NUDC: variants seen among roughly 807,000 people sequenced by gnomAD.
The protein encoded by NUDC is nuclear distribution C, dynein complex regulator.
In NUDC, 14 loss-of-function variants were observed where a neutral mutation model predicts 45.0. That is an observed-to-expected ratio of 0.31 (90% confidence interval 0.21 to 0.49). The LOEUF is 0.49. Among genes scored for constraint, NUDC ranks in the 20% least tolerant of loss-of-function variants. The pLI, the probability that NUDC is intolerant of heterozygous loss-of-function variation, is 0.99. For missense variants in NUDC, 323 were observed against 426.2 expected, an observed-to-expected ratio of 0.76 and a Z score of 2.13; for synonymous variants, 153 against 156.7, an observed-to-expected ratio of 0.98 and a Z score of 0.17.
At position 26,905,159 on chromosome 1, in the gene NUDC, T is replaced by A. The variant is rs1225057457; in HGVS notation, c.-16+2793T>A. On this transcript the variant is annotated intron_variant, in intron 2 of 6. Coordinates refer to the NUDC transcript ENST00000435827. ...GGCCTATTATTATTATTATTATTATTTTTTTTTTTTTTTTTTTTTGAGACA... is the reference window on the plus strand; with the variant it reads ...GGCCTATTATTATTATTATTATTATATTTTTTTTTTTTTTTTTTTGAGACA... Among the ~76,000 whole-genome samples the A allele has an allele frequency of 1.2e-3, 147 of 121,564 alleles. 2 individuals are homozygous for A. The highest frequency in any genetic ancestry group is 3.8e-3 in the African/African-American group (125 of 33,242). The allele number at this position is 121,564 out of a possible 152,430, so 79.8% of individuals were successfully genotyped here.
intron 2 of NUDC, among the ~76,000 whole-genome samples, chr1:26,928,104 TAGA>T (rs1458397565): frequency 2.6e-5 from 4 of 152,200 alleles, no homozygotes; most frequent in African/African-American, 7.2e-5. Context: ...ATGGTATTGA[TAGA>T]AGAAGAGAAA....
At chr1:26,939,804 C>T (rs766189341) in intron 2 of NUDC, among the ~76,000 whole-genome samples, 1 of 152,168 alleles carries the variant, frequency 6.6e-6, no homozygotes, top group Non-Finnish European at 1.5e-5. Context: ...TAAGATTTAG[C>T]GTTTCTAACA....
intron 2 of NUDC, among the ~76,000 whole-genome samples, chr1:26,930,648 T>C (rs1035541851): frequency 1.3e-5 from 2 of 149,276 alleles, no homozygotes; most frequent in African/African-American, 5.0e-5. Flanking sequence ...AGTTTGAGGC[T>C]GCAGTGACCC....
chr1:26,921,694 G>A, upstream of NUDC: 1 of 743,938 alleles, frequency 1.3e-6, no homozygotes, highest in Non-Finnish European at 2.3e-6. Context: ...AAGAGAGGAG[G>A]TGGAGGCGGG....
chr1:26,933,564 C>T (rs2124117647), intron 2 of NUDC, among the ~76,000 whole-genome samples: 1 of 152,154 alleles, frequency 6.6e-6, no homozygotes, highest in East Asian at 1.9e-4. Flanking sequence ...CAGGCACCTG[C>T]CACCACACCT....
Position 26,942,783 on chromosome 1 carries a change from G to A in NUDC, c.546+7G>A. The A allele has an allele frequency of 6.2e-7, 1 of 1,614,224 alleles. No homozygotes were observed. Among genetic ancestry groups the A allele is most frequent in the African/African-American group, 1.3e-5 (1 of 75,066 alleles). ...GACCCTGTCGGAGCTGGACGTGAGTGTCAGGGACCAGAGGTAAAGCTTAGG... is the reference window on the plus strand; with the variant it reads ...GACCCTGTCGGAGCTGGACGTGAGTATCAGGGACCAGAGGTAAAGCTTAGG... On this transcript the variant is annotated splice_region_variant and intron_variant, in intron 5 of 8. Coordinates refer to ENST00000321265, the MANE Select transcript of NUDC (RefSeq NM_006600.4).
chr1:26,926,996 G>A (rs750242777), intron 2 of NUDC, among the ~76,000 whole-genome samples: 1 of 152,110 alleles, frequency 6.6e-6, no homozygotes, highest in Admixed American at 6.6e-5. Context: ...ATACAGATTT[G>A]TTCTTTGTTT....
intron 2 of NUDC, among the ~76,000 whole-genome samples, chr1:26,939,893 A>G (rs565954957): frequency 6.6e-6 from 1 of 152,348 alleles, no homozygotes; most frequent in East Asian, 1.9e-4. Context: ...TTGTGCTGTC[A>G]TACTCAATCC....
intron 2 of NUDC, among the ~76,000 whole-genome samples, chr1:26,930,193 G>T (rs948640201): frequency 3.9e-5 from 6 of 152,140 alleles, no homozygotes; most frequent in African/African-American, 1.4e-4. Flanking sequence ...TTGAGACAGG[G>T]TCTCGCTCTG....
intron 2 of NUDC, among the ~76,000 whole-genome samples, chr1:26,936,723 G>A (rs1363460069): frequency 2.0e-5 from 3 of 152,104 alleles, no homozygotes; most frequent in East Asian, 1.9e-4. Flanking sequence ...ATAAAGGGTC[G>A]TTTGTCCTGG....
upstream of NUDC, among the ~76,000 whole-genome samples, chr1:26,918,172 CTT>C (rs770055094): frequency 4.1e-4 from 53 of 130,322 alleles, no homozygotes; most frequent in Admixed American, 6.2e-4. Flanking sequence ...CTTGATTTAT[CTT>C]TTTTTTTTTT....
chr1:26,922,166 A>T, intron 1 of NUDC: 2 of 584,012 alleles, frequency 3.4e-6, no homozygotes, highest in Non-Finnish European at 6.1e-6. Flanking sequence ...CCCTGAGCTT[A>T]GGATCCCCCT....
rs893068600 is a variant in NUDC at position 26,900,659 on chromosome 1, A to G, written c.-101+259A>G. On this transcript the variant is annotated intron_variant, in intron 1 of 6. Coordinates refer to the NUDC transcript ENST00000435827. ...ACTCACCTGGAAAATGGGGTCATAG[A>G]GTTCTTTCATAAAGCTCTCATGAGG... Among the ~76,000 whole-genome samples the G allele has an allele frequency of 2.6e-5, 4 of 152,110 alleles. No individual in the cohort carries two copies. Among genetic ancestry groups the G allele is most frequent in the Non-Finnish European group, 2.9e-5 (2 of 68,034 alleles).
At chr1:26,915,816 C>G (rs1250227445) in intron 3 of NUDC, among the ~76,000 whole-genome samples, 2 of 152,146 alleles carry the variant, frequency 1.3e-5, no homozygotes, top group Non-Finnish European at 2.9e-5. Flanking sequence ...ACAGGCACAC[C>G]TCTTTCATTT....
chr1:26,942,581 C>T, intron 4 of NUDC, 79 bp from the exon 5 acceptor site: 1 of 1,596,080 alleles, frequency 6.3e-7, no homozygotes, highest in Non-Finnish European at 8.6e-7. Flanking sequence ...CCAGTGCTAG[C>T]CCTGGGCTTG....
At chr1:26,924,532 C>G (rs2082115975) in intron 2 of NUDC, among the ~76,000 whole-genome samples, 1 of 152,188 alleles carries the variant, frequency 6.6e-6, no homozygotes, top group Non-Finnish European at 1.5e-5. Flanking sequence ...CTCTCAGTTC[C>G]TTTTCCAATG....
chr1:26,943,123 T>C (rs2082292716), intron 6 of NUDC, 58 bp downstream of exon 6: 1 of 1,573,844 alleles, frequency 6.4e-7, no homozygotes, highest in Admixed American at 1.7e-5. Flanking sequence ...AGGGAGGATG[T>C]GTGCTTAGTT....
At chr1:26,903,548 A>G (rs2081989196) in intron 2 of NUDC, among the ~76,000 whole-genome samples, 1 of 152,192 alleles carries the variant, frequency 6.6e-6, no homozygotes, top group Admixed American at 6.5e-5. Flanking sequence ...GATAGCAAAT[A>G]TACAGCTATA....
At chr1:26,905,202 C>T (rs1479943644) in intron 2 of NUDC, among the ~76,000 whole-genome samples, 2 of 132,702 alleles carry the variant, frequency 1.5e-5, no homozygotes, top group Non-Finnish European at 3.1e-5. Flanking sequence ...ACTCTGTTGC[C>T]TAGGCTGGAG....
Sources: gnomAD v4.1 joint callset for allele counts (sites outside exome capture counted in the v4.1 genomes callset) on GRCh38, gnomAD v4.1.1 for gene constraint, MANE v1.5 for transcripts, NCBI Gene and HGNC (gene_info 2026-07-23, HGNC 2026-07-21) for gene names.